SLCO1A2: variants seen among roughly 807,000 people sequenced by gnomAD.
SLCO1A2 encodes the protein solute carrier organic anion transporter family member 1A2.
Under a neutral mutation model 69.0 loss-of-function variants are expected in SLCO1A2, and 67 were observed. That is an observed-to-expected ratio of 0.97 (90% CI 0.80 to 1.19). The LOEUF (loss-of-function observed/expected upper bound fraction) is 1.19, where lower values mean the gene tolerates loss of function less well. Among genes scored for constraint, SLCO1A2 ranks in the 50% most tolerant of loss-of-function variants. The pLI is 0.00. For missense variants in SLCO1A2, 787 were observed against 793.7 expected (o/e 0.99, Z 0.10); for synonymous variants, 260 against 265.9 (o/e 0.98, Z 0.22).
intron 8 of SLCO1A2, among the ~76,000 whole-genome samples, chr12:21,299,459 C>T (rs1263537650): frequency 2.0e-5 from 3 of 151,812 alleles, no homozygotes; most frequent in Non-Finnish European, 4.4e-5. Flanking sequence ...ATCTTATGAT[C>T]ATTTTTAAAT....
intron 8 of SLCO1A2, among the ~76,000 whole-genome samples, chr12:21,297,844 C>T (rs181332436): frequency 1.2e-4 from 18 of 152,260 alleles, no homozygotes; most frequent in Non-Finnish European, 2.6e-4. Context: ...GTAAGCAAAA[C>T]TACAAAGTGA....
Position 21,295,660 on chromosome 12 carries a change from A to T in SLCO1A2, c.1208T>A (p.Phe403Tyr). ...TTCACAAGTCATGAGAAAAGATAAA[A>T]AATAGAGAAGATACTCAAGTAAGGA... is the stretch of plus-strand genomic sequence containing the variant. ...WLSLLEYLLY[F>Y]LSFLMTCENS... Residue 403 changes from phenylalanine (F) to tyrosine (Y), a missense_variant, in exon 10 of 15, where the codon TTT (phenylalanine) becomes TAT (tyrosine). Phe to Tyr is a conservative substitution (Grantham distance 22). Coordinates refer to ENST00000683939, the MANE Select transcript of SLCO1A2 (RefSeq NM_001386879.1). The T allele has an allele frequency of 6.2e-7, 1 of 1,607,094 alleles. No homozygotes were observed. The highest frequency in any genetic ancestry group is 1.1e-5 in the South Asian group (1 of 90,886).
At chr12:21,293,149 A>C (rs1283121715) in intron 11 of SLCO1A2, among the ~76,000 whole-genome samples, 1 of 152,116 alleles carries the variant, frequency 6.6e-6, no homozygotes, top group East Asian at 1.9e-4. Context: ...CTAAAAATAC[A>C]AAAATTACCC....
At position 21,345,799 on chromosome 12, in the gene SLCO1A2, A is replaced by C. The variant is rs7306015; in HGVS notation, c.-62-11090T>G. ...TTCACCAAATTTGCAAATTTACTAA[A>C]ATTTAGTATAAGAAATATTATTTTT... is the stretch of plus-strand genomic sequence containing the variant. On this transcript the variant is annotated intron_variant, in intron 2 of 15. Transcript: ENST00000307378. Among the ~76,000 whole-genome samples the C allele has an allele frequency of 6.9e-3, 1,053 of 152,158 alleles. 11 individuals carry two copies. The highest frequency in any genetic ancestry group is 0.024 in the African/African-American group (984 of 41,554).
At chr12:21,301,447 T>C (rs1948701832) in intron 6 of SLCO1A2, among the ~76,000 whole-genome samples, 178 bp from the exon 7 acceptor site, 1 of 152,196 alleles carries the variant, frequency 6.6e-6, no homozygotes, top group African/African-American at 2.4e-5. Context: ...CTGTAAATGT[T>C]GAAAAAGAAG....
intron 1 of SLCO1A2, among the ~76,000 whole-genome samples, chr12:21,394,367 A>ACACG (rs1941313977): frequency 3.5e-5 from 1 of 28,456 alleles, no homozygotes; most frequent in Non-Finnish European, 1.2e-4. Context: ...CCACATCTTT[A>ACACG]CACACACACA....
At chr12:21,332,217 A>G (rs1175909140) in intron 2 of SLCO1A2, among the ~76,000 whole-genome samples, 1 of 152,192 alleles carries the variant, frequency 6.6e-6, no homozygotes, top group East Asian at 1.9e-4. Flanking sequence ...AATACATGTA[A>G]GATTTACATT....
At chr12:21,274,256 T>C in intron 14 of SLCO1A2, 1 of 459,416 alleles carries the variant, frequency 2.2e-6, no homozygotes, top group Non-Finnish European at 3.9e-6. Flanking sequence ...AGGGAAGCCA[T>C]GTATGCTTAT....
chr12:21,383,362 G>A (rs1298014033), intron 1 of SLCO1A2, among the ~76,000 whole-genome samples: 1 of 151,958 alleles, frequency 6.6e-6, no homozygotes, highest in Non-Finnish European at 1.5e-5. Flanking sequence ...CCTATAGCTG[G>A]TCCCTTAACG....
chr12:21,396,004 C>T (rs569094725), upstream of SLCO1A2, among the ~76,000 whole-genome samples: 7,848 of 150,496 alleles, frequency 0.052, 244 homozygotes, highest in African/African-American at 0.073. Flanking sequence ...TCACCAGCAA[C>T]GGAACAAAGC....
chr12:21,415,201 CTTACT>C (rs955616904), intron 1 of SLCO1A2, among the ~76,000 whole-genome samples: 1 of 151,710 alleles, frequency 6.6e-6, no homozygotes, highest in African/African-American at 2.4e-5. Flanking sequence ...TATATTCTTT[CTTACT>C]TTATTTTAAA....
In SLCO1A2 at chr12:21,279,205, C is replaced by A. The variant is rs532801253; in HGVS notation, c.1611-3781G>T. ...TAAAAAAAAGTGAAGTGCACCTACA[C>A]GATCTACAAAATAGTCTCTAAAGGG... On this transcript the variant is annotated intron_variant, in intron 12 of 14. Transcript: ENST00000683939. Among the ~76,000 whole-genome samples the A allele has an allele frequency of 2.6e-5, 4 of 152,016 alleles. No individual in the cohort carries two copies. The East Asian group carries it at 7.7e-4, about 29-fold the overall frequency.
intron 1 of SLCO1A2, chr12:21,403,556 A>G (rs954836234): frequency 1.3e-5 from 2 of 152,060 alleles, no homozygotes; most frequent in Non-Finnish European, 2.9e-5. Flanking sequence ...TGTTCATCAG[A>G]GAAGCAGAGT....
intron 2 of SLCO1A2, among the ~76,000 whole-genome samples, chr12:21,321,916 C>T (rs1286490164): frequency 6.6e-6 from 1 of 152,106 alleles, no homozygotes; most frequent in Non-Finnish European, 1.5e-5. Context: ...TCTATAAGTT[C>T]CTCTCTCATT....
chr12:21,378,157 A>G (rs1218340303), intron 1 of SLCO1A2: 19 of 1,285,170 alleles, frequency 1.5e-5, no homozygotes, highest in Non-Finnish European at 2.0e-5. Context: ...TTTCATCAAT[A>G]CAAGATATTT....
At chr12:21,415,136 T>C (rs1941969586) in intron 1 of SLCO1A2, among the ~76,000 whole-genome samples, 1 of 152,118 alleles carries the variant, frequency 6.6e-6, no homozygotes, top group Non-Finnish European at 1.5e-5. Flanking sequence ...TTGATATACT[T>C]AGACCTGCTG....
chr12:21,371,735 G>A (rs1266838582), intron 2 of SLCO1A2, among the ~76,000 whole-genome samples: 1 of 152,188 alleles, frequency 6.6e-6, no homozygotes, highest in East Asian at 1.9e-4. Flanking sequence ...GGGTGCGGTG[G>A]CTGACGCCTG....
At chr12:21,301,307 A>T (rs1192981305) in intron 6 of SLCO1A2, 38 bp from the exon 7 acceptor site, 1 of 1,379,146 alleles carries the variant, frequency 7.3e-7, no homozygotes, top group Non-Finnish European at 1.0e-6. Context: ...TAGTACAGTT[A>T]TATGCCCACA....
intron 2 of SLCO1A2, among the ~76,000 whole-genome samples, chr12:21,350,554 A>T (rs1332475509): frequency 6.6e-6 from 1 of 152,084 alleles, no homozygotes; most frequent in Non-Finnish European, 1.5e-5. Flanking sequence ...GTAATGTTTC[A>T]GGCCGGGCAC....
Sources: allele counts gnomAD v4.1 joint callset (sites outside exome capture counted in the v4.1 genomes callset), GRCh38; gene constraint gnomAD v4.1.1; transcripts MANE v1.5; gene names NCBI Gene and HGNC (gene_info 2026-07-23, HGNC 2026-07-21).